Variants in CLCA2 observed in about 807,000 individuals in gnomAD.
CLCA2 encodes chloride channel accessory 2.
In CLCA2, 85 loss-of-function variants were observed where a neutral mutation model predicts 82.9. That is an observed-to-expected ratio of 1.03 (90% CI 0.86 to 1.23). The LOEUF (loss-of-function observed/expected upper bound fraction) is 1.23, where lower values mean the gene tolerates loss of function less well. CLCA2 is among the 50% of genes most tolerant of loss of function. The probability of loss-of-function intolerance (pLI) is 0.00; values close to 1 mark genes in which losing one functional copy is unlikely to be tolerated. For missense variants in CLCA2, 1,089 were observed against 1,124.8 expected (o/e 0.97, Z 0.45); for synonymous variants, 421 against 391.7 (o/e 1.07, Z -0.88).
rs777667896 is a variant in CLCA2, at chr1:86,424,194, G to C, written c.-54G>C. The C allele has an allele frequency of 1.6e-5, 24 of 1,515,116 alleles. No individual in the cohort carries two copies. Among genetic ancestry groups the C allele is most frequent in the Non-Finnish European group, 2.1e-5 (23 of 1,121,590 alleles). The allele number at this position is 1,515,116 out of a possible 1,614,324, so 93.9% of individuals were successfully genotyped here. Reference sequence around the variant, plus strand: ...CCATCTGCATCCATATTGAAAACCTGACACAATGTATGCAGCAGGCTCAGT... The same window carrying C: ...CCATCTGCATCCATATTGAAAACCTCACACAATGTATGCAGCAGGCTCAGT... On this transcript the variant is annotated 5_prime_UTR_variant, in exon 1 of 14. Coordinates refer to ENST00000370565, the MANE Select transcript of CLCA2 (RefSeq NM_006536.7).
chr1:86,425,369 T>C lies in CLCA2; in HGVS notation c.217T>C (p.Phe73Leu). 6.4e-7 allele frequency: 1 copy of C among 1,572,658 alleles called. No homozygotes were observed. The highest frequency in any genetic ancestry group is 8.6e-7 in the Non-Finnish European group (1 of 1,160,122). The change falls in exon 2 of 14, where the codon TTT (phenylalanine) becomes CTT (leucine). Residue 73 changes from phenylalanine to leucine, a missense_variant. By Grantham distance (22) the Phe-to-Leu change is conservative (BLOSUM62 0). Transcript: ENST00000370565. ...GATAACTGAAGCTTCATTTTACCTATTTAATGCTACCAAGAGAAGAGTATT... is the reference window on the plus strand; with the variant it reads ...GATAACTGAAGCTTCATTTTACCTACTTAATGCTACCAAGAGAAGAGTATT... ...EMITEASFYL[F>L]NATKRRVFFR...
intron 6 of CLCA2, 76 bp from the exon 7 acceptor site, chr1:86,438,800 C>G (rs1054473199): frequency 5.9e-6 from 7 of 1,181,224 alleles, no homozygotes; most frequent in Non-Finnish European, 8.7e-6. Context: ...GAGATGTTTG[C>G]TAATTGAGTT....
In CLCA2 at chr1:86,455,404, G is replaced by C; in HGVS notation, c.2709G>C (p.Leu903Phe). Reference protein sequence around the residue: ...DPVPARDYLILKGVLTAMGLI... With the variant: ...DPVPARDYLIFKGVLTAMGLI... ...TACCTGCCAGAGATTATCTTATATT[G>C]AAAGGAGTTTTAACAGCAATGGGTT... is the stretch of plus-strand genomic sequence containing the variant. The change falls in exon 14 of 14, where the codon TTG becomes TTC. Residue 903 changes from leucine to phenylalanine, a missense_variant. Coordinates refer to ENST00000370565, the MANE Select transcript of CLCA2 (RefSeq NM_006536.7). 1 of 1,607,856 alleles carries C rather than the reference G, an allele frequency of 6.2e-7. No homozygotes were observed. The highest frequency in any genetic ancestry group is 8.5e-7 in the Non-Finnish European group (1 of 1,177,966).
intron 2 of CLCA2, among the ~76,000 whole-genome samples, chr1:86,427,543 T>TACAC (rs1570250839): frequency 7.8e-6 from 1 of 128,266 alleles, no homozygotes; most frequent in Non-Finnish European, 1.7e-5. Context: ...TGGACACACA[T>TACAC]ACATACACAC....
chr1:86,447,480 T>A, intron 10 of CLCA2, 28 bp from the exon 11 acceptor site: 1 of 1,596,062 alleles, frequency 6.3e-7, no homozygotes, highest in Non-Finnish European at 8.6e-7. Context: ...TTTTCACACT[T>A]TCCAAAACAA....
intron 3 of CLCA2, 34 bp from the exon 4 acceptor site, chr1:86,430,828 A>T: frequency 6.6e-7 from 1 of 1,523,710 alleles, no homozygotes; most frequent in Non-Finnish European, 9.1e-7. Flanking sequence ...CTGAGATTTT[A>T]GAAGCTCAAA....
chr1:86,453,597 G>A lies in CLCA2; in HGVS notation c.2384G>A (p.Gly795Asp). 1.2e-6 allele frequency: 2 copies of A among 1,613,376 alleles called. No homozygotes were observed. Among genetic ancestry groups the A allele is most frequent in the Non-Finnish European group, 1.7e-6 (2 of 1,179,632 alleles). ...GCACCTGGAGAAGACTTTGATCAGG[G>A]CCAGGGTAGGTTTGCTCATTTCATT... ...WTAPGEDFDQ[G>D]QATSYEIRMS... The change falls in exon 13 of 14, where the codon GGC becomes GAC. Residue 795 changes from glycine (G) to aspartate (D), a missense_variant. By Grantham distance (94) the Gly-to-Asp change is moderately conservative. Coordinates refer to ENST00000370565, the MANE Select transcript of CLCA2 (RefSeq NM_006536.7).
intron 1 of CLCA2, 45 bp downstream of exon 1, chr1:86,424,478 G>T (rs766132786): frequency 6.6e-7 from 1 of 1,520,262 alleles, no homozygotes; most frequent in Admixed American, 1.9e-5. Flanking sequence ...CATTTGATCA[G>T]ACCTGTAGCC....
chr1:86,447,461 T>G, intron 10 of CLCA2, 47 bp from the exon 11 acceptor site: 1 of 1,574,970 alleles, frequency 6.3e-7, no homozygotes. Context: ...AAAATTAGGG[T>G]TGATTTTTTT....
chr1:86,440,867 C>T (rs1463944243), intron 8 of CLCA2, among the ~76,000 whole-genome samples: 2 of 152,102 alleles, frequency 1.3e-5, no homozygotes, highest in African/African-American at 2.4e-5. Context: ...CGCTACTGCA[C>T]TCCAGCCTGG....
chr1:86,448,706 A>G (rs1369502939), intron 11 of CLCA2, among the ~76,000 whole-genome samples: 2 of 152,212 alleles, frequency 1.3e-5, no homozygotes, highest in Admixed American at 6.5e-5. Context: ...GCAATCATGT[A>G]TGATGTGCAG....
intron 13 of CLCA2, among the ~76,000 whole-genome samples, chr1:86,454,716 C>T (rs888594496): frequency 1.7e-4 from 26 of 152,234 alleles, no homozygotes; most frequent in African/African-American, 5.5e-4. Flanking sequence ...CGCTTGAACC[C>T]GTAAGTCATA....
Position 86,453,416 on chromosome 1 carries a change from G to T in CLCA2, c.2203G>T (p.Glu735Ter). ...APRKSVGRNE[E>*]ERKWGFSRVS... ...AAGGAAATCAGTAGGCAGAAATGAG[G>T]AGGAGCGAAAGTGGGGCTTTAGCCG... Residue 735 changes from glutamate (E) to a stop codon, truncating the protein, a stop_gained, in exon 13 of 14, where the codon GAG becomes TAG. Transcript: ENST00000370565. LOFTEE classifies it high-confidence loss of function. 1 of 1,614,138 alleles carries T rather than the reference G, an allele frequency of 6.2e-7. No individual in the cohort carries two copies. Among genetic ancestry groups the T allele is most frequent in the Non-Finnish European group, 8.5e-7 (1 of 1,180,026 alleles).
chr1:86,439,370 C>T (rs2791466), intron 7 of CLCA2, among the ~76,000 whole-genome samples: 66,253 of 152,048 alleles, frequency 0.44, 14,912 homozygotes, highest in Non-Finnish European at 0.45. Context: ...ATACAATGGA[C>T]GAGACTAGAG....
intron 2 of CLCA2, among the ~76,000 whole-genome samples, chr1:86,427,547 T>TACACAC (rs146595899): frequency 0.048 from 7,079 of 148,264 alleles, 372 homozygotes; most frequent in African/African-American, 0.11. Flanking sequence ...CACACATACA[T>TACACAC]ACACACACAC....
At chr1:86,446,216 CTTTTTT>C (rs3086658) in intron 10 of CLCA2, among the ~76,000 whole-genome samples, 3 of 108,520 alleles carry the variant, frequency 2.8e-5, no homozygotes, top group Non-Finnish European at 3.6e-5. Context: ...GCTGTGGGAA[CTTTTTT>C]TTTTTTTTTT....
chr1:86,430,978 C>A lies in CLCA2; in HGVS notation c.584+8C>A. The A allele has an allele frequency of 6.4e-7, 1 of 1,567,716 alleles. No individual in the cohort carries two copies. The highest frequency in any genetic ancestry group is 8.8e-7 in the Non-Finnish European group (1 of 1,141,900). Reference sequence around the variant, plus strand: ...TCAAATTAAAGTGACAAGGTTAGTACTTTTTTTCATGTTATAATTCATTAT... The same window carrying A: ...TCAAATTAAAGTGACAAGGTTAGTAATTTTTTTCATGTTATAATTCATTAT... On this transcript the variant is annotated splice_region_variant and intron_variant, in intron 4 of 13. Transcript: ENST00000370565.
intron 3 of CLCA2, 120 bp downstream of exon 3, chr1:86,428,688 G>T (rs1334147): frequency 0.68 from 779,558 of 1,143,698 alleles, 267,168 homozygotes; most frequent in Non-Finnish European, 0.7. Context: ...CCACTCAAAG[G>T]GGGAGATAGG....
intron 8 of CLCA2, 135 bp downstream of exon 8, chr1:86,440,460 C>A: frequency 2.4e-6 from 2 of 825,070 alleles, no homozygotes; most frequent in Non-Finnish European, 1.8e-6. Context: ...ACACATATTG[C>A]TAGAATCTGT....
Sources: allele counts gnomAD v4.1 joint callset (sites outside exome capture counted in the v4.1 genomes callset), GRCh38; gene constraint gnomAD v4.1.1; transcripts MANE v1.5; gene names NCBI Gene and HGNC (gene_info 2026-07-23, HGNC 2026-07-21).